Variants in WDR27 observed in about 807,000 individuals in gnomAD.
The protein encoded by WDR27 is WD repeat-containing protein 27.
Under a neutral mutation model 114.4 loss-of-function variants are expected in WDR27, and 100 were observed. The observed-to-expected ratio is 0.87, with a 90% CI of 0.74 to 1.03. The LOEUF (loss-of-function observed/expected upper bound fraction) is 1.03, where lower values mean the gene tolerates loss of function less well. WDR27 is among the 50% of genes least tolerant of loss of function. The probability of loss-of-function intolerance (pLI) is 0.00; values close to 1 mark genes in which losing one functional copy is unlikely to be tolerated. For missense variants in WDR27, 1,129 were observed against 1,092.9 expected, an observed-to-expected ratio of 1.03 and a Z score of -0.47; for synonymous variants, 449 against 423.1, an observed-to-expected ratio of 1.06 and a Z score of -0.75.
chr6:169,462,803 G>T (rs1785079356), intron 25 of WDR27, among the ~76,000 whole-genome samples: 1 of 152,026 alleles, frequency 6.6e-6, no homozygotes, highest in Non-Finnish European at 1.5e-5. Context: ...TCCAAAGATG[G>T]TTCAACAAAA....
chr6:169,445,532 T>C, the WDR27 span, among the ~76,000 whole-genome samples: 22 of 152,208 alleles, frequency 1.4e-4, no homozygotes, highest in Admixed American at 5.2e-4. Flanking sequence ...AATGAGTTAA[T>C]GTGTAGATAG....
intron 13 of WDR27, among the ~76,000 whole-genome samples, chr6:169,655,324 C>T (rs564374067): frequency 2.0e-5 from 3 of 152,366 alleles, no homozygotes; most frequent in Non-Finnish European, 2.9e-5. Flanking sequence ...GAACCCCGAG[C>T]CCAGCAGCTG....
chr6:169,534,752 G>A (rs1162478419), intron 25 of WDR27, among the ~76,000 whole-genome samples: 1 of 151,564 alleles, frequency 6.6e-6, no homozygotes, highest in African/African-American at 2.4e-5. Flanking sequence ...TTTTGTTCCT[G>A]ATTTTAGTAA....
At chr6:169,680,453 C>G (rs376475439) in intron 2 of WDR27, among the ~76,000 whole-genome samples, 115 of 152,142 alleles carry the variant, frequency 7.6e-4, no homozygotes, top group South Asian at 4.0e-3. Context: ...TTGGTGATGG[C>G]CGCCTGTAGT....
chr6:169,461,979 A>C lies in WDR27; in HGVS notation c.2646-4345T>G, dbSNP rs117369943. Among the ~76,000 whole-genome samples, 204 of 152,284 alleles carry C rather than the reference A, an allele frequency of 1.3e-3. 3 individuals are homozygous for C. The East Asian group carries it at 0.032, about 24-fold the overall frequency. Reference sequence around the variant, plus strand: ...ACATTACTACTAATTCTTCAGAAATAAAATCATTGTAAGAAAGTACTATTA... The same window carrying C: ...ACATTACTACTAATTCTTCAGAAATCAAATCATTGTAAGAAAGTACTATTA... On this transcript the variant is annotated intron_variant, in intron 25 of 25. Transcript: ENST00000448612.
chr6:169,569,461 T>A (rs991388986), intron 25 of WDR27, among the ~76,000 whole-genome samples: 11 of 152,212 alleles, frequency 7.2e-5, no homozygotes, highest in Admixed American at 4.6e-4. Flanking sequence ...TCATTTTAAA[T>A]GTACTATATA....
At chr6:169,538,104 G>C (rs1314901107) in intron 25 of WDR27, among the ~76,000 whole-genome samples, 1 of 152,130 alleles carries the variant, frequency 6.6e-6, no homozygotes, top group African/African-American at 2.4e-5. Flanking sequence ...GCTAGCCACA[G>C]TTGGGTGTGT....
At chr6:169,576,554 A>C (rs1425363459) in intron 24 of WDR27, among the ~76,000 whole-genome samples, 2 of 152,194 alleles carry the variant, frequency 1.3e-5, no homozygotes, top group Non-Finnish European at 2.9e-5. Context: ...TGAGGGCAGG[A>C]GTTTGAGACC....
chr6:169,649,080 G>A, intron 15 of WDR27, 118 bp downstream of exon 15: 1 of 773,930 alleles, frequency 1.3e-6, no homozygotes, highest in Non-Finnish European at 2.2e-6. Flanking sequence ...GTGTACATAT[G>A]TGTGTAAACA....
At chr6:169,500,654 G>A (rs1791066241) in intron 25 of WDR27, among the ~76,000 whole-genome samples, 1 of 152,140 alleles carries the variant, frequency 6.6e-6, no homozygotes, top group Admixed American at 6.5e-5. Flanking sequence ...GGGAGGTATG[G>A]CTGCCCAGTG....
chr6:169,451,592 T>A, the WDR27 span, among the ~76,000 whole-genome samples: 1 of 152,256 alleles, frequency 6.6e-6, no homozygotes, highest in Non-Finnish European at 1.5e-5. Context: ...TTTAACTTTT[T>A]CAGAAACTCC....
intron 25 of WDR27, among the ~76,000 whole-genome samples, chr6:169,501,739 T>A (rs1253404831): frequency 2.6e-5 from 4 of 152,052 alleles, no homozygotes; most frequent in Non-Finnish European, 5.9e-5. Flanking sequence ...ATGCACATGG[T>A]CTGGTTAAAG....
chr6:169,528,216 T>C (rs1458006388), intron 25 of WDR27, among the ~76,000 whole-genome samples: 2 of 152,170 alleles, frequency 1.3e-5, no homozygotes, highest in Admixed American at 1.3e-4. Flanking sequence ...CTTTTTACAA[T>C]ATCACGAACT....
intron 25 of WDR27, among the ~76,000 whole-genome samples, chr6:169,470,462 G>A (rs1250849008): frequency 6.6e-6 from 1 of 152,212 alleles, no homozygotes; most frequent in African/African-American, 2.4e-5. Flanking sequence ...TCAAGCTGCT[G>A]TAACAAAATA....
At chr6:169,439,244 A>C in the WDR27 span, among the ~76,000 whole-genome samples, 7 of 152,228 alleles carry the variant, frequency 4.6e-5, no homozygotes, top group Non-Finnish European at 1.0e-4. Context: ...CATTTATAAA[A>C]TTTATAAAGG....
chr6:169,442,724 C>G, the WDR27 span, among the ~76,000 whole-genome samples: 30 of 152,240 alleles, frequency 2.0e-4, no homozygotes, highest in Non-Finnish European at 4.1e-4. Context: ...AGCTTGGAGT[C>G]TGGAGTGAGA....
chr6:169,585,774 G>A (rs542095099), intron 23 of WDR27, among the ~76,000 whole-genome samples: 1 of 152,266 alleles, frequency 6.6e-6, no homozygotes, highest in African/African-American at 2.4e-5. Flanking sequence ...TGGGGAGGAG[G>A]AGTAGCAGGG....
intron 24 of WDR27, among the ~76,000 whole-genome samples, chr6:169,577,699 G>A (rs1428005935): frequency 2.0e-5 from 3 of 152,198 alleles, no homozygotes; most frequent in African/African-American, 7.2e-5. Flanking sequence ...TTTCCTCCGC[G>A]GCCCATGGGA....
chr6:169,670,197 A>G (rs562911359), intron 4 of WDR27: 18 of 164,910 alleles, frequency 1.1e-4, no homozygotes, highest in Non-Finnish European at 2.2e-4. Flanking sequence ...CCCTGGTGGG[A>G]AAAGTCTGAT....
Sources: gnomAD v4.1 joint callset for allele counts (sites outside exome capture counted in the v4.1 genomes callset) on GRCh38, gnomAD v4.1.1 for gene constraint, MANE v1.5 for transcripts, NCBI Gene and HGNC (gene_info 2026-07-23, HGNC 2026-07-21) for gene names.